Variants in NEXMIF observed in about 807,000 individuals in gnomAD.
The protein encoded by NEXMIF is neurite extension and migration factor.
In NEXMIF, 8 loss-of-function variants were observed where a neutral mutation model predicts 62.1. That is an observed-to-expected ratio of 0.13 (90% CI 0.08 to 0.23). The LOEUF (loss-of-function observed/expected upper bound fraction) is 0.23, where lower values mean the gene tolerates loss of function less well. Among genes scored for constraint, NEXMIF ranks in the 10% least tolerant of loss-of-function variants. NEXMIF has a pLI of 1.00. For missense variants in NEXMIF, 976 were observed against 1,113.3 expected, an observed-to-expected ratio of 0.88 and a Z score of 1.75; for synonymous variants, 404 against 416.6, an observed-to-expected ratio of 0.97 and a Z score of 0.37.
chrX:74,756,207 C>T (rs777175039), intron 1 of NEXMIF, among the ~76,000 whole-genome samples: 3 of 111,720 alleles, frequency 2.7e-5, no homozygotes, highest in East Asian at 2.8e-4. Flanking sequence ...GTGATCCGCC[C>T]GCCTCGGCCT....
chrX:74,756,837 C>T (rs2080160922), intron 1 of NEXMIF, among the ~76,000 whole-genome samples: 1 of 111,307 alleles, frequency 9.0e-6, no homozygotes, highest in African/African-American at 3.3e-5. Flanking sequence ...TCATTAAAGT[C>T]TGCATAGGAA....
chrX:74,827,476 T>A (rs1304088608), intron 1 of NEXMIF, among the ~76,000 whole-genome samples: 2 of 112,018 alleles, frequency 1.8e-5, no homozygotes, highest in Admixed American at 1.9e-4. Flanking sequence ...CTCAGAAGCA[T>A]AGAACCAAAA....
rs755462704 is a variant in NEXMIF, at chrX:74,741,556, C to G, written c.3001G>C (p.Val1001Leu). 24 of 1,209,811 alleles carry G rather than the reference C, an allele frequency of 2.0e-5. No homozygotes were observed. In the Admixed American group the frequency reaches 4.6e-4, roughly 23 times the overall value. ...AAGGAGCAATAATTACTTGAGCTGA[C>G]AGAGAGTGGGGCCATTGAATCAAAG... is the stretch of plus-strand genomic sequence containing the variant. ...FSFDSMAPLSVSSSNYCSLSL... is the reference protein window; with the variant it reads ...FSFDSMAPLSLSSSNYCSLSL... The change falls in exon 3 of 4, where the codon GTC becomes CTC. Residue 1001 changes from valine to leucine, a missense_variant. Transcript: ENST00000055682.
intron 1 of NEXMIF, among the ~76,000 whole-genome samples, chrX:74,873,642 T>C (rs969804940): frequency 8.9e-6 from 1 of 111,805 alleles, no homozygotes; most frequent in African/African-American, 3.3e-5. Flanking sequence ...CCACATCCTC[T>C]CCAGCACCTG....
chrX:74,752,050 G>A (rs1031586500), intron 1 of NEXMIF, among the ~76,000 whole-genome samples: 1 of 111,090 alleles, frequency 9.0e-6, no homozygotes, highest in Admixed American at 9.6e-5. Context: ...CAGGTGATCC[G>A]GCTGTCTCGG....
intron 1 of NEXMIF, among the ~76,000 whole-genome samples, chrX:74,784,730 G>GT (rs755988000): frequency 9.0e-6 from 1 of 111,115 alleles, no homozygotes; most frequent in South Asian, 3.8e-4. Context: ...GCCCACTTGT[G>GT]TGACTGGTCC....
At chrX:74,765,055 T>C (rs1409522407) in intron 1 of NEXMIF, among the ~76,000 whole-genome samples, 1 of 111,890 alleles carries the variant, frequency 8.9e-6, no homozygotes, top group East Asian at 2.8e-4. Context: ...TGTGTGGGAA[T>C]CTAGGTCTCT....
At chrX:74,907,429 T>G (rs1291509746) in intron 1 of NEXMIF, among the ~76,000 whole-genome samples, 1 of 102,798 alleles carries the variant, frequency 9.7e-6, no homozygotes, top group Non-Finnish European at 2.0e-5. Context: ...ATCATCACTC[T>G]GTACCTGATA....
chrX:74,763,715 T>C (rs1227984256), intron 1 of NEXMIF, among the ~76,000 whole-genome samples: 1 of 16,203 alleles, frequency 6.2e-5, no homozygotes, highest in East Asian at 9.9e-3. Flanking sequence ...AGGTATTTTG[T>C]TCTCTTTGAA....
intron 1 of NEXMIF, among the ~76,000 whole-genome samples, chrX:74,759,586 A>G (rs1219891177): frequency 8.9e-6 from 1 of 112,271 alleles, no homozygotes; most frequent in Non-Finnish European, 1.9e-5. Flanking sequence ...GAAGGTGTTC[A>G]GTTTCAATCT....
intron 1 of NEXMIF, among the ~76,000 whole-genome samples, chrX:74,840,045 TTTCC>T (rs2147488809): frequency 8.9e-6 from 1 of 112,006 alleles, no homozygotes; most frequent in African/African-American, 3.2e-5. Context: ...TGTATAAGTG[TTTCC>T]TTTTCTCCAC....
At chrX:74,774,561 C>T (rs1351962716) in intron 1 of NEXMIF, among the ~76,000 whole-genome samples, 1 of 112,285 alleles carries the variant, frequency 8.9e-6, no homozygotes, top group Non-Finnish European at 1.9e-5. Context: ...GTCATATCAA[C>T]TCAAAACATT....
chrX:74,868,344 C>T (rs1341506398), intron 1 of NEXMIF, among the ~76,000 whole-genome samples: 2 of 111,827 alleles, frequency 1.8e-5, no homozygotes, highest in East Asian at 2.8e-4. Flanking sequence ...AATTGCAGCA[C>T]TATTCACAAT....
intron 1 of NEXMIF, among the ~76,000 whole-genome samples, chrX:74,757,360 T>C (rs2080162583): frequency 8.9e-6 from 1 of 112,058 alleles, no homozygotes; most frequent in Non-Finnish European, 1.9e-5. Flanking sequence ...TTTATTTTAT[T>C]GGTCTCAGGT....
chrX:74,755,723 C>T (rs2080157332), intron 1 of NEXMIF, among the ~76,000 whole-genome samples: 1 of 111,582 alleles, frequency 9.0e-6, no homozygotes, highest in Admixed American at 9.5e-5. Context: ...TCATCACACT[C>T]CTTTTGCAGA....
At chrX:74,873,598 G>C (rs1419264116) in intron 1 of NEXMIF, among the ~76,000 whole-genome samples, 1 of 111,686 alleles carries the variant, frequency 9.0e-6, no homozygotes, top group East Asian at 2.8e-4. Context: ...CTAGTTTACA[G>C]TCCCACCAAC....
chrX:74,792,556 T>C (rs1319549371), intron 1 of NEXMIF, among the ~76,000 whole-genome samples: 1 of 95,653 alleles, frequency 1.0e-5, no homozygotes, highest in Non-Finnish European at 2.1e-5. Flanking sequence ...CGTTGATCTG[T>C]CTAATGTTGA....
intron 1 of NEXMIF, among the ~76,000 whole-genome samples, chrX:74,761,960 C>T (rs2080177725): frequency 9.0e-6 from 1 of 111,136 alleles, no homozygotes; most frequent in Non-Finnish European, 1.9e-5. Context: ...CAATTTCTTT[C>T]TTTCTTTCTT....
chrX:74,791,753 G>T (rs1387987342), intron 1 of NEXMIF, among the ~76,000 whole-genome samples: 2 of 109,819 alleles, frequency 1.8e-5, no homozygotes, highest in East Asian at 5.7e-4. Flanking sequence ...AGATTTTCTA[G>T]TTTATTTGCA....
Sources: allele counts gnomAD v4.1 joint callset (sites outside exome capture counted in the v4.1 genomes callset), GRCh38; gene constraint gnomAD v4.1.1; transcripts MANE v1.5; gene names NCBI Gene and HGNC (gene_info 2026-07-23, HGNC 2026-07-21).